The following DPCD variants were observed in gnomAD, a reference collection of about 807,000 sequenced individuals.
DPCD encodes the protein protein DPCD.
DPCD carries 20 observed loss-of-function variants against 26.4 expected under a neutral mutation model. The ratio of observed to expected loss-of-function variants is 0.76; its 90% CI spans 0.53 to 1.10. The LOEUF (loss-of-function observed/expected upper bound fraction) is 1.10, where lower values mean the gene tolerates loss of function less well. Among genes scored for constraint, DPCD ranks in the 50% least tolerant of loss-of-function variants. The pLI is 0.00. For synonymous variants in DPCD, 97 were observed against 94.2 expected (o/e 1.03, Z -0.17); for missense variants, 202 against 253.9 (o/e 0.80, Z 1.39).
chr10:101,591,929 G>A (rs544262004), intron 1 of DPCD, among the ~76,000 whole-genome samples: 89 of 152,078 alleles, frequency 5.9e-4, no homozygotes, highest in Middle Eastern at 3.4e-3. Context: ...TAGGTGATCC[G>A]CCTGCATCGG....
intron 1 of DPCD, among the ~76,000 whole-genome samples, chr10:101,594,122 TG>T (rs2063632606): frequency 6.6e-6 from 1 of 152,174 alleles, no homozygotes; most frequent in African/African-American, 2.4e-5. Context: ...GGCAGGGCAC[TG>T]GCATGGCTAG....
chr10:101,588,584 C>CG (rs1490893182), intron 1 of DPCD, 184 bp downstream of exon 1: 7 of 1,422,506 alleles, frequency 4.9e-6, no homozygotes, highest in Non-Finnish European at 6.4e-6. Flanking sequence ...CACATGTCTC[C>CG]GGACACCCCT....
intron 2 of DPCD, among the ~76,000 whole-genome samples, chr10:101,598,647 G>A (rs1421834873): frequency 4.2e-5 from 4 of 95,876 alleles, no homozygotes; most frequent in East Asian, 2.7e-4. Flanking sequence ...TTTTTGAGAC[G>A]GAGTTTCACT....
At chr10:101,590,852 C>T (rs752308359) in intron 1 of DPCD, among the ~76,000 whole-genome samples, 1 of 152,182 alleles carries the variant, frequency 6.6e-6, no homozygotes, top group Non-Finnish European at 1.5e-5. Context: ...GCTCTAGGAA[C>T]CTCGTCTAAG....
At chr10:101,608,418 C>G (rs1221172774) in intron 4 of DPCD, among the ~76,000 whole-genome samples, 1 of 152,236 alleles carries the variant, frequency 6.6e-6, no homozygotes, top group Non-Finnish European at 1.5e-5. Context: ...GGAGACAGAT[C>G]TGAATGTCCT....
At chr10:101,597,868 G>A (rs553414553) in intron 2 of DPCD, among the ~76,000 whole-genome samples, 1 of 152,304 alleles carries the variant, frequency 6.6e-6, no homozygotes, top group Admixed American at 6.5e-5. Context: ...ATGCACTTGT[G>A]CATAGGAAAA....
intron 4 of DPCD, among the ~76,000 whole-genome samples, chr10:101,604,610 T>C (rs1480565245): frequency 1.9e-4 from 29 of 152,204 alleles, no homozygotes; most frequent in Admixed American, 1.9e-3. Context: ...CTATTCCTGA[T>C]AACGTTTGTG....
At chr10:101,604,979 T>G (rs1246283513) in intron 4 of DPCD, among the ~76,000 whole-genome samples, 1 of 152,162 alleles carries the variant, frequency 6.6e-6, no homozygotes, top group African/African-American at 2.4e-5. Flanking sequence ...TAAATAAATT[T>G]AAGAAACTCT....
chr10:101,590,559 T>C (rs2063598983), intron 1 of DPCD, among the ~76,000 whole-genome samples: 1 of 152,120 alleles, frequency 6.6e-6, no homozygotes, highest in South Asian at 2.1e-4. Flanking sequence ...TTCAGAACTT[T>C]TTAATCTTTC....
chr10:101,607,223 T>G (rs1006325426), intron 4 of DPCD, among the ~76,000 whole-genome samples: 3 of 152,196 alleles, frequency 2.0e-5, no homozygotes, highest in Admixed American at 6.5e-5. Context: ...GTTCATCTAA[T>G]CTCTGCTGTT....
At chr10:101,609,333 T>G (rs2063757406) in intron 5 of DPCD, 34 bp from the exon 6 acceptor site, 2 of 1,607,950 alleles carry the variant, frequency 1.2e-6, no homozygotes, top group East Asian at 4.5e-5. Flanking sequence ...GGACAGTGAC[T>G]GAATTATTTT....
At chr10:101,592,387 T>C (rs376132070) in intron 1 of DPCD, among the ~76,000 whole-genome samples, 1 of 152,024 alleles carries the variant, frequency 6.6e-6, no homozygotes, top group African/African-American at 2.4e-5. Flanking sequence ...CCAGACACTC[T>C]TAAAAAACAA....
chr10:101,588,766 G>A (rs1470359057), intron 1 of DPCD: 1 of 803,554 alleles, frequency 1.2e-6, no homozygotes, highest in Middle Eastern at 6.5e-4. Context: ...TTAGAGAGGA[G>A]AGAGGCCTGG....
intron 1 of DPCD, among the ~76,000 whole-genome samples, chr10:101,589,799 G>T (rs1158602206): frequency 6.6e-6 from 1 of 152,134 alleles, no homozygotes; most frequent in Non-Finnish European, 1.5e-5. Flanking sequence ...CAGGAGAATC[G>T]CTTGAACCCG....
intron 4 of DPCD, 142 bp downstream of exon 4, chr10:101,601,478 T>A: frequency 1.2e-5 from 2 of 166,214 alleles, no homozygotes; most frequent in Non-Finnish European, 2.5e-5. Flanking sequence ...GGGCTTCCTC[T>A]CTGCAGGACC....
chr10:101,604,096 GC>G (rs2063717666), intron 4 of DPCD, among the ~76,000 whole-genome samples: 1 of 152,188 alleles, frequency 6.6e-6, no homozygotes, highest in Non-Finnish European at 1.5e-5. Flanking sequence ...GTGGCCTCTG[GC>G]CAGAAGCCAA....
At position 101,608,832 on chromosome 10, in the gene DPCD, C is replaced by T. The variant is rs760598308; in HGVS notation, c.405-3C>T. On this transcript the variant is annotated splice_region_variant and splice_polypyrimidine_tract_variant and intron_variant, in intron 4 of 5. Coordinates refer to ENST00000370151, the MANE Select transcript of DPCD (RefSeq NM_015448.3). ...CCCCAATGGCCTCTCGGTGTCCCCA[C>T]AGGTACTACAAGAAGTTCTCCATTC... 1 of 1,610,514 alleles carries T rather than the reference C, an allele frequency of 6.2e-7. No individual in the cohort carries two copies. Among genetic ancestry groups the T allele is most frequent in the Non-Finnish European group, 8.5e-7 (1 of 1,177,260 alleles).
At chr10:101,602,388 T>C (rs1315927638) in intron 4 of DPCD, among the ~76,000 whole-genome samples, 1 of 152,112 alleles carries the variant, frequency 6.6e-6, no homozygotes, top group African/African-American at 2.4e-5. Flanking sequence ...CAGCCCTGGG[T>C]GCTGCCATCC....
intron 4 of DPCD, among the ~76,000 whole-genome samples, chr10:101,606,253 CT>C (rs1464499820): frequency 6.6e-6 from 1 of 152,220 alleles, no homozygotes; most frequent in Non-Finnish European, 1.5e-5. Context: ...CCTCCGCCCC[CT>C]GGGTTCAAGT....
Sources: allele counts gnomAD v4.1 joint callset (sites outside exome capture counted in the v4.1 genomes callset), GRCh38; gene constraint gnomAD v4.1.1; transcripts MANE v1.5; gene names NCBI Gene and HGNC (gene_info 2026-07-23, HGNC 2026-07-21).